The following CLASP1 variants were observed in gnomAD, a reference collection of about 807,000 sequenced individuals.
The protein encoded by CLASP1 is CLIP-associating protein 1.
Under a neutral mutation model 192.3 loss-of-function variants are expected in CLASP1, and 38 were observed. The observed-to-expected ratio is 0.20, with a 90% CI of 0.15 to 0.26. CLASP1 has a LOEUF of 0.26. CLASP1 is among the 10% of genes least tolerant of loss of function. The pLI is 1.00. For missense variants in CLASP1, 1,433 were observed against 1,932.5 expected, an observed-to-expected ratio of 0.74 and a Z score of 4.85; for synonymous variants, 691 against 712.8, an observed-to-expected ratio of 0.97 and a Z score of 0.49.
chr2:121,457,430 C>T (rs936252831), intron 14 of CLASP1, among the ~76,000 whole-genome samples: 1 of 151,074 alleles, frequency 6.6e-6, no homozygotes, highest in Admixed American at 6.6e-5. Context: ...GCCACTAACA[C>T]CCAAACTCAC....
intron 1 of CLASP1, among the ~76,000 whole-genome samples, chr2:121,633,738 G>A (rs994224650): frequency 6.6e-6 from 1 of 152,134 alleles, no homozygotes; most frequent in East Asian, 1.9e-4. Context: ...CAGGCACGGT[G>A]GCTCACACCT....
intron 14 of CLASP1, among the ~76,000 whole-genome samples, chr2:121,452,724 G>A (rs1389471315): frequency 6.6e-6 from 1 of 152,182 alleles, no homozygotes; most frequent in Non-Finnish European, 1.5e-5. Flanking sequence ...CCGGGAGGCA[G>A]AGGTTGCAGT....
intron 19 of CLASP1, among the ~76,000 whole-genome samples, chr2:121,432,328 A>C (rs2081576703): frequency 6.6e-6 from 1 of 152,170 alleles, no homozygotes; most frequent in Admixed American, 6.5e-5. Flanking sequence ...CATGTTGGCC[A>C]GGCTGGTCTC....
intron 14 of CLASP1, among the ~76,000 whole-genome samples, chr2:121,453,453 A>G (rs2085969314): frequency 6.6e-6 from 1 of 152,190 alleles, no homozygotes; most frequent in Non-Finnish European, 1.5e-5. Context: ...AGAGCCATGC[A>G]GCTTGGTCCT....
chr2:121,513,015 G>C (rs1553605954), intron 7 of CLASP1: 1 of 152,200 alleles, frequency 6.6e-6, no homozygotes, highest in Non-Finnish European at 1.5e-5. Context: ...TGATGTAAGA[G>C]AAGTCTCGAC....
intron 1 of CLASP1, among the ~76,000 whole-genome samples, chr2:121,630,618 C>T (rs538145614): frequency 1.3e-5 from 2 of 151,734 alleles, no homozygotes; most frequent in African/African-American, 2.4e-5. Context: ...AATCCCAGCA[C>T]TTTGGGAGGC....
At chr2:121,592,152 A>T (rs2062481912) in intron 2 of CLASP1, among the ~76,000 whole-genome samples, 1 of 152,210 alleles carries the variant, frequency 6.6e-6, no homozygotes, top group Non-Finnish European at 1.5e-5. Context: ...AATAACCTGG[A>T]TCTCACTTAT....
chr2:121,569,739 G>GC (rs1198572580), intron 2 of CLASP1, among the ~76,000 whole-genome samples: 1 of 152,134 alleles, frequency 6.6e-6, no homozygotes, highest in African/African-American at 2.4e-5. Flanking sequence ...TACTCGGGAG[G>GC]CTGAGGCAGG....
chr2:121,434,085 T>C (rs981683227), intron 19 of CLASP1, among the ~76,000 whole-genome samples: 1 of 152,170 alleles, frequency 6.6e-6, no homozygotes, highest in African/African-American at 2.4e-5. Flanking sequence ...AGGGTGGGAA[T>C]AGAACAATGA....
chr2:121,342,517 A>G (rs763630608), intron 39 of CLASP1, among the ~76,000 whole-genome samples: 2 of 152,226 alleles, frequency 1.3e-5, no homozygotes, highest in Admixed American at 6.5e-5. Context: ...AAATGCTTAC[A>G]TTAAAAAAGA....
intron 34 of CLASP1, among the ~76,000 whole-genome samples, chr2:121,369,306 A>G (rs2068086171): frequency 6.6e-6 from 1 of 152,250 alleles, no homozygotes; most frequent in Admixed American, 6.5e-5. Flanking sequence ...TGTAAAAATA[A>G]TACATAATAT....
At chr2:121,436,032 CTTTTT>C (rs201117966) in intron 19 of CLASP1, among the ~76,000 whole-genome samples, 2 of 144,252 alleles carry the variant, frequency 1.4e-5, no homozygotes, top group African/African-American at 5.0e-5. Context: ...TGCAATTTTA[CTTTTT>C]TTTTTTTTTC....
intron 23 of CLASP1, among the ~76,000 whole-genome samples, chr2:121,415,662 T>C (rs944051931): frequency 6.6e-6 from 1 of 152,228 alleles, no homozygotes; most frequent in Non-Finnish European, 1.5e-5. Context: ...TATGCTTCCA[T>C]TCATTACTCT....
chr2:121,618,212 T>C (rs766104846), intron 1 of CLASP1, among the ~76,000 whole-genome samples: 2 of 152,210 alleles, frequency 1.3e-5, no homozygotes, highest in African/African-American at 2.4e-5. Context: ...ACCTAATGCC[T>C]ATAATGCCTG....
intron 19 of CLASP1, among the ~76,000 whole-genome samples, chr2:121,440,876 T>G (rs1574867246): frequency 6.8e-6 from 1 of 147,544 alleles, no homozygotes; most frequent in African/African-American, 2.5e-5. Flanking sequence ...GAGGGAAGGA[T>G]GAATAAGATA....
At chr2:121,340,817 A>AC in exon 40 of CLASP1, 1 of 1,470,788 alleles carries the variant, frequency 6.8e-7, no homozygotes, top group Non-Finnish European at 9.4e-7. Context: ...TCTGAGAGGC[A>AC]CCACCGATTG....
intron 37 of CLASP1, among the ~76,000 whole-genome samples, chr2:121,353,893 C>T (rs945720372): frequency 1.3e-5 from 2 of 152,180 alleles, no homozygotes; most frequent in Admixed American, 1.3e-4. Context: ...TGGGCTCAAG[C>T]GATCCTCCTA....
At chr2:121,373,418 A>C (rs1384822548) in intron 34 of CLASP1, among the ~76,000 whole-genome samples, 1 of 152,196 alleles carries the variant, frequency 6.6e-6, no homozygotes, top group Non-Finnish European at 1.5e-5. Flanking sequence ...AGAACTAACT[A>C]ATATAGAAAA....
At chr2:121,528,833 G>C (rs887018705) in intron 3 of CLASP1, 53 bp from the exon 4 acceptor site, 21 of 1,351,756 alleles carry the variant, frequency 1.6e-5, no homozygotes, top group Non-Finnish European at 2.1e-5. Context: ...GGGGTCTGTG[G>C]TCACCAAGTA....
Sources: allele counts gnomAD v4.1 joint callset (sites outside exome capture counted in the v4.1 genomes callset), GRCh38; gene constraint gnomAD v4.1.1; transcripts MANE v1.5; gene names NCBI Gene and HGNC (gene_info 2026-07-23, HGNC 2026-07-21).